ROBO2: variants seen among roughly 807,000 people sequenced by gnomAD.
The protein encoded by ROBO2 is roundabout homolog 2.
ROBO2 carries 53 observed loss-of-function variants against 160.8 expected under a neutral mutation model. The observed-to-expected ratio is 0.33, with a 90% CI of 0.26 to 0.41. ROBO2 has a LOEUF of 0.41. ROBO2 is among the 10% of genes least tolerant of loss of function. The pLI is 1.00. For missense variants in ROBO2, 1,577 were observed against 1,722.4 expected (o/e 0.92, Z 1.49); for synonymous variants, 664 against 611.7 (o/e 1.09, Z -1.26).
intron 2 of ROBO2, among the ~76,000 whole-genome samples, chr3:76,595,657 G>A (rs1272304644): frequency 6.6e-6 from 1 of 151,998 alleles, no homozygotes; most frequent in Admixed American, 6.6e-5. Context: ...TTCATGTATT[G>A]CACGGAAAGG....
intron 2 of ROBO2, among the ~76,000 whole-genome samples, chr3:76,377,118 T>C (rs2076386666): frequency 6.6e-6 from 1 of 152,138 alleles, no homozygotes; most frequent in Non-Finnish European, 1.5e-5. Flanking sequence ...TGTGAAAATA[T>C]TCAGAAAATT....
intron 2 of ROBO2, among the ~76,000 whole-genome samples, chr3:76,663,912 A>G (rs1205989767): frequency 1.3e-5 from 2 of 152,052 alleles, no homozygotes; most frequent in African/African-American, 4.8e-5. Flanking sequence ...TCAGGAAAAA[A>G]AAAAAAGAAA....
chr3:76,992,356 TATATATATATATA>T (rs1559812174), intron 2 of ROBO2, among the ~76,000 whole-genome samples: 949 of 71,480 alleles, frequency 0.013, 19 homozygotes, highest in African/African-American at 0.043. Flanking sequence ...TATATATATA[TATATATATATATA>T]AATTTAGCTT....
At chr3:76,016,237 C>T (rs549222786) in intron 2 of ROBO2, among the ~76,000 whole-genome samples, 2 of 151,900 alleles carry the variant, frequency 1.3e-5, no homozygotes, top group South Asian at 4.2e-4. Flanking sequence ...TTTAATGGCA[C>T]GCATCTGCTC....
intron 2 of ROBO2, among the ~76,000 whole-genome samples, chr3:76,120,881 A>G (rs747371037): frequency 6.6e-6 from 1 of 152,188 alleles, no homozygotes; most frequent in Non-Finnish European, 1.5e-5. Flanking sequence ...ATACAGAACA[A>G]TACTTGCCTG....
At chr3:76,929,522 T>C (rs1415313863) in intron 2 of ROBO2, among the ~76,000 whole-genome samples, 1 of 152,234 alleles carries the variant, frequency 6.6e-6, no homozygotes, top group Non-Finnish European at 1.5e-5. Flanking sequence ...ATCTCTCTCC[T>C]GGGTCATTGT....
intron 2 of ROBO2, among the ~76,000 whole-genome samples, chr3:77,436,189 A>G (rs933107039): frequency 2.0e-5 from 3 of 151,574 alleles, no homozygotes; most frequent in South Asian, 2.1e-4. Flanking sequence ...AATCAGATAT[A>G]TTGGGCTGAT....
At chr3:77,441,151 A>T (rs2079881592) in intron 2 of ROBO2, among the ~76,000 whole-genome samples, 1 of 151,860 alleles carries the variant, frequency 6.6e-6, no homozygotes, top group African/African-American at 2.4e-5. Flanking sequence ...CCCTTGTGCC[A>T]TTCGTTGCCC....
chr3:76,786,096 CTGTT>C (rs2062956017), intron 2 of ROBO2, among the ~76,000 whole-genome samples: 4 of 151,264 alleles, frequency 2.6e-5, no homozygotes, highest in Admixed American at 6.6e-5. Context: ...TATAAGCACT[CTGTT>C]TATTTATAAT....
intron 2 of ROBO2, among the ~76,000 whole-genome samples, chr3:76,684,168 A>G (rs1193356667): frequency 6.6e-6 from 1 of 151,860 alleles, no homozygotes; most frequent in African/African-American, 2.4e-5. Context: ...CAAACAAAAA[A>G]CCCATCATAC....
intron 2 of ROBO2, among the ~76,000 whole-genome samples, chr3:76,782,378 A>G (rs539375793): frequency 1.9e-4 from 29 of 150,826 alleles, no homozygotes; most frequent in African/African-American, 7.0e-4. Flanking sequence ...TTGATAAAAA[A>G]CTTTTATATA....
chr3:77,518,791 T>C (rs2090294018), intron 5 of ROBO2, among the ~76,000 whole-genome samples: 1 of 151,510 alleles, frequency 6.6e-6, no homozygotes, highest in Non-Finnish European at 1.5e-5. Context: ...ATAATGAGCA[T>C]CTACTAATTC....
intron 2 of ROBO2, among the ~76,000 whole-genome samples, chr3:76,075,311 A>G (rs375746435): frequency 1.1e-4 from 16 of 152,110 alleles, no homozygotes; most frequent in African/African-American, 3.6e-4. Flanking sequence ...AGCAAGGTAC[A>G]CTGGTAATAG....
chr3:76,622,235 G>GAAAGA (rs1343648585), intron 2 of ROBO2, among the ~76,000 whole-genome samples: 30 of 44,790 alleles, frequency 6.7e-4, no homozygotes, highest in East Asian at 1.9e-3. Context: ...AGGAAGGAAG[G>GAAAGA]AAGAAAGAAA....
intron 2 of ROBO2, among the ~76,000 whole-genome samples, chr3:77,452,281 T>C (rs2081197539): frequency 6.6e-6 from 1 of 152,188 alleles, no homozygotes; most frequent in African/African-American, 2.4e-5. Flanking sequence ...TCACATTTCA[T>C]GTGGGAAACA....
chr3:75,988,102 G>A (rs528506491), intron 2 of ROBO2, among the ~76,000 whole-genome samples: 6 of 152,058 alleles, frequency 3.9e-5, no homozygotes, highest in South Asian at 2.1e-4. Flanking sequence ...AAGGACTGGC[G>A]TTATTATAGT....
intron 2 of ROBO2, among the ~76,000 whole-genome samples, chr3:76,829,179 T>C (rs902242652): frequency 1.3e-5 from 2 of 152,164 alleles, no homozygotes; most frequent in Non-Finnish European, 2.9e-5. Flanking sequence ...ACATAATCTA[T>C]GCTCACAGTG....
At chr3:76,906,905 A>T (rs1205641693) in intron 2 of ROBO2, among the ~76,000 whole-genome samples, 1 of 152,202 alleles carries the variant, frequency 6.6e-6, no homozygotes, top group Non-Finnish European at 1.5e-5. Context: ...GTTAAGATCC[A>T]TTTATAATTC....
At chr3:76,663,470 C>T (rs547913522) in intron 2 of ROBO2, among the ~76,000 whole-genome samples, 2 of 152,248 alleles carry the variant, frequency 1.3e-5, no homozygotes, top group East Asian at 3.9e-4. Flanking sequence ...TTGTTTAGTG[C>T]TTCTATAGTC....
Sources: allele counts gnomAD v4.1 joint callset (sites outside exome capture counted in the v4.1 genomes callset), GRCh38; gene constraint gnomAD v4.1.1; transcripts MANE v1.5; gene names NCBI Gene and HGNC (gene_info 2026-07-23, HGNC 2026-07-21).